Variants in RNF38 observed in about 807,000 individuals in gnomAD.
RNF38 encodes the protein E3 ubiquitin-protein ligase RNF38.
In RNF38, 15 loss-of-function variants were observed where a neutral mutation model predicts 67.2. The observed-to-expected ratio is 0.22, with a 90% CI of 0.15 to 0.34. The LOEUF (loss-of-function observed/expected upper bound fraction) is 0.34. Ranked by LOEUF, RNF38 falls within the 10% of genes least tolerant of loss-of-function variation. The probability of loss-of-function intolerance (pLI) is 1.00; values close to 1 mark genes in which losing one functional copy is unlikely to be tolerated. For synonymous variants in RNF38, 220 were observed against 218.8 expected (o/e 1.01, Z -0.05); for missense variants, 524 against 639.9 (o/e 0.82, Z 1.95).
chr9:36,380,598 T>C (rs1031962584), intron 2 of RNF38, among the ~76,000 whole-genome samples: 29 of 152,126 alleles, frequency 1.9e-4, no homozygotes, highest in Non-Finnish European at 3.5e-4. Context: ...GCTAAAGAGA[T>C]GCTCTCACCT....
chr9:36,484,318 T>G (rs1437631720), intron 1 of RNF38, among the ~76,000 whole-genome samples: 2 of 152,270 alleles, frequency 1.3e-5, no homozygotes, highest in East Asian at 3.9e-4. Flanking sequence ...CAAAACTAGG[T>G]TTAGCAGGTC....
chr9:36,428,850 A>G (rs1838855850), intron 1 of RNF38, among the ~76,000 whole-genome samples: 1 of 152,156 alleles, frequency 6.6e-6, no homozygotes, highest in African/African-American at 2.4e-5. Flanking sequence ...CACAAGACAA[A>G]GCAAAAAGCA....
At chr9:36,402,554 C>A, upstream of RNF38, among the ~76,000 whole-genome samples, 1 of 151,692 alleles carries the variant, frequency 6.6e-6, no homozygotes. Context: ...AGCTTTTCCT[C>A]CAAGCTTGGA....
chr9:36,421,587 C>T (rs1377835157), intron 2 of RNF38, among the ~76,000 whole-genome samples: 3 of 151,982 alleles, frequency 2.0e-5, no homozygotes, highest in Non-Finnish European at 4.4e-5. Flanking sequence ...CACTTGAACC[C>T]GGGAGGCGGA....
chr9:36,451,113 G>A (rs1839427432), intron 1 of RNF38, among the ~76,000 whole-genome samples: 2 of 152,126 alleles, frequency 1.3e-5, no homozygotes, highest in South Asian at 2.1e-4. Context: ...AATGCAATCA[G>A]CAAAGTTCAA....
At chr9:36,411,590 C>A (rs1477625276) in intron 2 of RNF38, among the ~76,000 whole-genome samples, 1 of 152,094 alleles carries the variant, frequency 6.6e-6, no homozygotes, top group Non-Finnish European at 1.5e-5. Flanking sequence ...GAGACAGAGT[C>A]TTGCGCAATC....
intron 1 of RNF38, among the ~76,000 whole-genome samples, chr9:36,483,390 A>AAAAAAAAAAAAAAAAAAAAAAAGAAAAAG (rs1554703621): frequency 2.2e-4 from 33 of 150,016 alleles, no homozygotes; most frequent in African/African-American, 7.4e-4. Context: ...CTGTCTCAAA[A>AAAAAAAAAAAAAAAAAAAAAAAGAAAAAG]AAAAAGAAAA....
intron 3 of RNF38, among the ~76,000 whole-genome samples, chr9:36,375,112 A>T (rs565040167): frequency 8.1e-4 from 123 of 152,358 alleles, no homozygotes; most frequent in African/African-American, 2.8e-3. Flanking sequence ...CTCTAGGATG[A>T]AAAGACAAGG....
At chr9:36,372,103 G>A (rs539978653) in intron 3 of RNF38, among the ~76,000 whole-genome samples, 29 of 151,944 alleles carry the variant, frequency 1.9e-4, no homozygotes, top group Middle Eastern at 3.4e-3. Context: ...GCTGATTTTT[G>A]TATTTTTAGT....
chr9:36,416,533 T>C (rs1212639450), intron 2 of RNF38, among the ~76,000 whole-genome samples: 1 of 152,132 alleles, frequency 6.6e-6, no homozygotes, highest in Non-Finnish European at 1.5e-5. Context: ...ATCTGCACTT[T>C]CGGTTTGCCC....
chr9:36,431,127 CCTT>C (rs1838923615), intron 1 of RNF38, among the ~76,000 whole-genome samples: 1 of 152,200 alleles, frequency 6.6e-6, no homozygotes, highest in Admixed American at 6.5e-5. Flanking sequence ...TCCCAACACC[CCTT>C]CTTCTGATTC....
intron 1 of RNF38, among the ~76,000 whole-genome samples, chr9:36,476,519 CTTTTTTT>C (rs67780076): frequency 2.1e-5 from 2 of 94,132 alleles, no homozygotes; most frequent in Non-Finnish European, 4.3e-5. Context: ...ATCGGGCAAT[CTTTTTTT>C]TTTTTTTTTT....
Position 36,397,081 on chromosome 9 carries a change from G to GTGTGTA in RNF38, c.12+3015_12+3016insTACACA, listed in dbSNP as rs147500340. Reference sequence around the variant, plus strand: ...TATATACGTATATATATGTGTGTGTGTATATATATATATATATGTTTTGTT... The same window carrying GTGTGTA: ...TATATACGTATATATATGTGTGTGTGTGTGTATATATATATATATATATGTTTTGTT... On this transcript the variant is annotated intron_variant, in intron 1 of 11. Transcript: ENST00000259605. Among the ~76,000 whole-genome samples the GTGTGTA allele has an allele frequency of 5.7e-4, 81 of 141,670 alleles. 1 individual carries two copies. Among genetic ancestry groups the GTGTGTA allele is most frequent in the Middle Eastern group, 3.7e-3 (1 of 268 alleles). 92.9% of individuals were successfully genotyped at this position (141,670 alleles called of 152,430 possible).
chr9:36,463,983 T>C (rs1056112078), intron 1 of RNF38, among the ~76,000 whole-genome samples: 3 of 151,336 alleles, frequency 2.0e-5, no homozygotes, highest in Non-Finnish European at 2.9e-5. Flanking sequence ...CTGGCTAACA[T>C]GGTGAAACCC....
chr9:36,479,050 A>G (rs1175022645), intron 1 of RNF38, among the ~76,000 whole-genome samples: 3 of 152,148 alleles, frequency 2.0e-5, no homozygotes, highest in Admixed American at 2.0e-4. Flanking sequence ...TTATAATTTA[A>G]AACTCTGAAA....
intron 1 of RNF38, among the ~76,000 whole-genome samples, chr9:36,444,125 A>G (rs1301986536): frequency 6.6e-6 from 1 of 152,220 alleles, no homozygotes; most frequent in African/African-American, 2.4e-5. Flanking sequence ...CTGAGGGCCA[A>G]TAAAACATCT....
At chr9:36,463,186 G>A (rs1182692614) in intron 1 of RNF38, among the ~76,000 whole-genome samples, 1 of 152,128 alleles carries the variant, frequency 6.6e-6, no homozygotes, top group Non-Finnish European at 1.5e-5. Flanking sequence ...CTCACATCAT[G>A]AGGATGTAAG....
intron 1 of RNF38, among the ~76,000 whole-genome samples, chr9:36,480,869 G>A (rs528874020): frequency 6.6e-6 from 1 of 151,528 alleles, no homozygotes; most frequent in East Asian, 2.0e-4. Flanking sequence ...TATATATTTG[G>A]TCCTCTTACT....
intron 2 of RNF38, among the ~76,000 whole-genome samples, chr9:36,379,858 G>A (rs771532511): frequency 1.3e-5 from 2 of 152,202 alleles, no homozygotes; most frequent in Non-Finnish European, 2.9e-5. Context: ...GTCCAGGAAA[G>A]TCAATGAGGA....
Sources: allele counts gnomAD v4.1 joint callset (sites outside exome capture counted in the v4.1 genomes callset), GRCh38; gene constraint gnomAD v4.1.1; transcripts MANE v1.5; gene names NCBI Gene and HGNC (gene_info 2026-07-23, HGNC 2026-07-21).